The following ITGA11 variants were observed in gnomAD, a reference collection of about 807,000 sequenced individuals.
The protein encoded by ITGA11 is integrin alpha-11.
Under a neutral mutation model 141.9 loss-of-function variants are expected in ITGA11, and 97 were observed. The observed-to-expected ratio is 0.68, with a 90% confidence interval of 0.58 to 0.81. The LOEUF (loss-of-function observed/expected upper bound fraction) is 0.81. Ranked by LOEUF, ITGA11 falls within the 30% of genes least tolerant of loss-of-function variation. The pLI is 0.00. For synonymous variants in ITGA11, 658 were observed against 624.6 expected (o/e 1.05, Z -0.80); for missense variants, 1,387 against 1,559.2 (o/e 0.89, Z 1.86).
chr15:68,321,523 G>T lies in ITGA11; in HGVS notation c.2323-20C>A. ...GGGCACCTGGGCCAGGGAGAGCCAG[G>T]TGTGGGCAGCTGGGTAGGGACCCGC... On this transcript the variant is annotated intron_variant, in intron 18 of 29. Coordinates refer to ENST00000315757, the MANE Select transcript of ITGA11 (RefSeq NM_001004439.2). The surrounding 1 kb of genome is among the most constrained non-coding windows in gnomAD (Gnocchi z 4.9). The T allele has an allele frequency of 1.3e-6, 2 of 1,571,530 alleles. No homozygotes were observed. Among genetic ancestry groups the T allele is most frequent in the African/African-American group, 1.4e-5 (1 of 72,456 alleles).
intron 2 of ITGA11, among the ~76,000 whole-genome samples, chr15:68,388,527 T>C (rs1896040057): frequency 6.6e-6 from 1 of 152,192 alleles, no homozygotes; most frequent in Admixed American, 6.5e-5. Flanking sequence ...CTAATCATAC[T>C]TTTTGCCCCT....
chr15:68,311,401 G>A lies in ITGA11; in HGVS notation c.2976C>T (p.Ile992=). The A allele has an allele frequency of 1.3e-6, 2 of 1,556,268 alleles. No homozygotes were observed. The highest frequency in any genetic ancestry group is 1.7e-6 in the Non-Finnish European group (2 of 1,148,178). Residue 992 remains isoleucine, a splice_region_variant and synonymous_variant, in exon 25 of 30, where the codon ATC becomes ATT. Transcript: ENST00000315757. ...IGPPFSCIFR[I]QNLGLFPIHG... ...GGATGGGGAACAAGCCCAAGTTCTG[G>A]ATCTGTGGCCAGAGACAGGGAGGTG...
Position 68,350,772 on chromosome 15 carries a change from T to C in ITGA11, c.905A>G (p.Tyr302Cys). 1 of 1,612,928 alleles carries C rather than the reference T, an allele frequency of 6.2e-7. No homozygotes were observed. Among genetic ancestry groups the C allele is most frequent in the Non-Finnish European group, 8.5e-7 (1 of 1,179,378 alleles). Reference protein sequence around the residue: ...VTRYAVAVLGYYNRRGINPET... With the variant: ...VTRYAVAVLGCYNRRGINPET... ...TGGATTGATCCCCCTGCGGTTGTAG[T>C]AGCCCAGGACCTGCCAGGGAACAGG... Residue 302 changes from tyrosine (Y) to cysteine (C), a missense_variant, in exon 9 of 30, where the codon TAC (tyrosine) becomes TGC (cysteine). Physicochemically the swap from Tyr to Cys is radical, Grantham distance 194. Transcript: ENST00000315757.
At chr15:68,419,110 C>G (rs563470224) in intron 1 of ITGA11, among the ~76,000 whole-genome samples, 4 of 152,242 alleles carry the variant, frequency 2.6e-5, no homozygotes, top group African/African-American at 9.6e-5. Flanking sequence ...GAAAAGGTCT[C>G]TGGCTGCATG....
chr15:68,318,767 G>A (rs1174381753), intron 20 of ITGA11, among the ~76,000 whole-genome samples: 1 of 152,142 alleles, frequency 6.6e-6, no homozygotes, highest in Non-Finnish European at 1.5e-5. Context: ...CAGTGGTTCT[G>A]GGGTGGAGAG....
intron 3 of ITGA11, chr15:68,365,404 TC>T (rs1895387105): frequency 1.1e-6 from 1 of 905,928 alleles, no homozygotes; most frequent in Non-Finnish European, 1.3e-6. Flanking sequence ...AGCTGGGTTA[TC>T]AGCCTGCTGG....
chr15:68,314,222 GCTGTGGGAGATGACAC>G (rs2140277102), intron 22 of ITGA11, among the ~76,000 whole-genome samples: 1 of 152,344 alleles, frequency 6.6e-6, no homozygotes, highest in African/African-American at 2.4e-5. Context: ...GGACTCAGGG[GCTGTGGGAGATGACAC>G]CTGTGGCAAA....
intron 2 of ITGA11, among the ~76,000 whole-genome samples, chr15:68,370,690 G>T (rs546188025): frequency 2.6e-5 from 4 of 152,310 alleles, no homozygotes; most frequent in African/African-American, 9.6e-5. Flanking sequence ...GCCCCGAAAG[G>T]CTTTCGATCC....
intron 2 of ITGA11, among the ~76,000 whole-genome samples, chr15:68,383,991 T>TG (rs1895923721): frequency 6.6e-6 from 1 of 152,162 alleles, no homozygotes; most frequent in African/African-American, 2.4e-5. Context: ...TTTTCTTTCT[T>TG]GGAAGTTAGT....
chr15:68,319,927 T>C (rs1476112574), intron 20 of ITGA11, among the ~76,000 whole-genome samples: 4 of 151,044 alleles, frequency 2.6e-5, no homozygotes, highest in African/African-American at 4.8e-5. Context: ...TTTTTAAAGC[T>C]CTCCTGTGAT....
At chr15:68,349,285 T>G (rs1894833680) in intron 9 of ITGA11, among the ~76,000 whole-genome samples, 1 of 152,242 alleles carries the variant, frequency 6.6e-6, no homozygotes, top group Admixed American at 6.5e-5. Context: ...CCCACTTTGT[T>G]CATTCCTTTT....
intron 1 of ITGA11, among the ~76,000 whole-genome samples, chr15:68,418,887 T>A (rs1896952584): frequency 6.6e-6 from 1 of 151,740 alleles, no homozygotes; most frequent in Non-Finnish European, 1.5e-5. Flanking sequence ...CCAGAGAGTG[T>A]TTGGGCAAAA....
intron 1 of ITGA11, among the ~76,000 whole-genome samples, chr15:68,410,261 G>T (rs887119353): frequency 6.6e-6 from 1 of 152,202 alleles, no homozygotes; most frequent in Non-Finnish European, 1.5e-5. Context: ...GGCCTCCACT[G>T]GTTCTTTGGG....
At chr15:68,332,809 T>C (rs115322661) in intron 12 of ITGA11, among the ~76,000 whole-genome samples, 235 of 152,340 alleles carry the variant, frequency 1.5e-3, no homozygotes, top group African/African-American at 5.2e-3. Context: ...TTTAAAAGTA[T>C]GAAGAAGACA....
chr15:68,301,480 T>A lies in ITGA11; in HGVS notation c.*1579A>T, dbSNP rs1893023690. On this transcript the variant is annotated 3_prime_UTR_variant, in exon 30 of 30. Coordinates refer to ENST00000315757, the MANE Select transcript of ITGA11 (RefSeq NM_001004439.2). The surrounding 1 kb of genome is among the most constrained non-coding windows in gnomAD (Gnocchi z 4.4). The stretch of plus-strand genomic sequence containing the variant: ...TCCACACTGGCCATAGATGGAAGGG[T>A]GATCTTGGGAGAGGGAGCGCTCCAC... 1 of 152,004 alleles carries A rather than the reference T, an allele frequency of 6.6e-6. No individual in the cohort carries two copies. Among genetic ancestry groups the A allele is most frequent in the South Asian group, 2.1e-4 (1 of 4,814 alleles). 9.4% of individuals were successfully genotyped at this position (152,004 alleles called of 1,614,324 possible). A position where few individuals can be genotyped will look rare whatever the true frequency, so the allele number is the denominator to read the frequency against.
At chr15:68,369,429 A>G (rs529713261) in intron 2 of ITGA11, 145 bp from the exon 3 acceptor site, 55 of 628,820 alleles carry the variant, frequency 8.7e-5, no homozygotes, top group Non-Finnish European at 1.4e-4. Flanking sequence ...GCAGACCCTC[A>G]GGCTGGGACC....
chr15:68,367,421 G>A (rs141683341), intron 3 of ITGA11, among the ~76,000 whole-genome samples: 16 of 152,152 alleles, frequency 1.1e-4, no homozygotes, highest in Admixed American at 2.0e-4. Context: ...ACCTTAGGGC[G>A]TTTGCACTTG....
At position 68,386,444 on chromosome 15, in the gene ITGA11, C is replaced by A. The variant is rs1369538457; in HGVS notation, c.164+16474G>T. The stretch of plus-strand genomic sequence containing the variant: ...GAGTTAAGTTGCTGCAAAATAATCC[C>A]AGAGGATCCTTCAAAGAGGCGGGAA... On this transcript the variant is annotated intron_variant, in intron 2 of 29. Transcript: ENST00000315757. Among the ~76,000 whole-genome samples the A allele has an allele frequency of 2.0e-5, 3 of 152,188 alleles. No homozygotes were observed. In the East Asian group the frequency reaches 5.8e-4, roughly 29 times the overall value.
chr15:68,321,151 C>T lies in ITGA11; in HGVS notation c.2408+267G>A, dbSNP rs74973981. On this transcript the variant is annotated intron_variant, in intron 19 of 29. Transcript: ENST00000315757. The surrounding 1 kb of genome is among the most constrained non-coding windows in gnomAD (Gnocchi z 4.9). ...TTCATCTATTTTGTAATGTGGGCTC[C>T]GAAGAAAGGGTTTCTTTTTTTTTTT... 0.021 allele frequency among the ~76,000 whole-genome samples: 2,820 copies of T among 131,242 alleles called. 97 individuals are homozygous for T. Among genetic ancestry groups the T allele is most frequent in the African/African-American group, 0.072 (2,563 of 35,826 alleles). 86.1% of individuals were successfully genotyped at this position (131,242 alleles called of 152,430 possible). A position where few individuals can be genotyped will look rare whatever the true frequency, so the allele number is the denominator to read the frequency against.
Sources: gnomAD v4.1 joint callset for allele counts (sites outside exome capture counted in the v4.1 genomes callset) on GRCh38, gnomAD v4.1.1 for gene constraint, Gnocchi (gnomAD v3.1) non-coding constraint, MANE v1.5 for transcripts, NCBI Gene and HGNC (gene_info 2026-07-23, HGNC 2026-07-21) for gene names.